FRMD8: variants seen among roughly 807,000 people sequenced by gnomAD.
The protein encoded by FRMD8 is FERM domain containing 8, also known as FERM domain-containing protein 8.
Under a neutral mutation model 54.2 loss-of-function variants are expected in FRMD8, and 37 were observed. The ratio of observed to expected loss-of-function variants is 0.68; its 90% confidence interval spans 0.53 to 0.90. The LOEUF (loss-of-function observed/expected upper bound fraction) is 0.90. FRMD8 is among the 40% of genes least tolerant of loss of function. The pLI, the probability that FRMD8 is intolerant of heterozygous loss-of-function variation, is 0.00. For synonymous variants in FRMD8, 246 were observed against 286.9 expected (o/e 0.86, Z 1.44); for missense variants, 585 against 653.7 (o/e 0.89, Z 1.15).
chr11:65,411,412 G>A lies in FRMD8; in HGVS notation c.*52G>A. The A allele has an allele frequency of 8.0e-7, 1 of 1,257,416 alleles. No individual in the cohort carries two copies. The highest frequency in any genetic ancestry group is 1.4e-5 in the South Asian group (1 of 69,142). The allele number at this position is 1,257,416 out of a possible 1,614,324, so 77.9% of individuals were successfully genotyped here. On this transcript the variant is annotated 3_prime_UTR_variant, in exon 11 of 11. Coordinates refer to ENST00000317568, the MANE Select transcript of FRMD8 (RefSeq NM_031904.5). ...CGACTGGGGGCCCTGGCCCGGCACTGTCCTCCTGAGGGGCAGGCGCCGGCT... is the reference window on the plus strand; with the variant it reads ...CGACTGGGGGCCCTGGCCCGGCACTATCCTCCTGAGGGGCAGGCGCCGGCT...
chr11:65,407,632 T>C (rs1226294561), intron 10 of FRMD8, among the ~76,000 whole-genome samples: 1 of 151,662 alleles, frequency 6.6e-6, no homozygotes, highest in African/African-American at 2.4e-5. Context: ...GGCTCACGCC[T>C]GTAATCCCAG....
At chr11:65,372,202 A>G in the FRMD8 span, among the ~76,000 whole-genome samples, 1 of 152,288 alleles carries the variant, frequency 6.6e-6, no homozygotes, top group East Asian at 1.9e-4. Flanking sequence ...GAGAGCCACC[A>G]TGCCTAGCCA....
chr11:65,404,823 G>A lies in FRMD8; in HGVS notation c.1072-41G>A. The A allele has an allele frequency of 6.5e-7, 1 of 1,544,924 alleles. No individual in the cohort carries two copies. Among genetic ancestry groups the A allele is most frequent in the Non-Finnish European group, 8.9e-7 (1 of 1,123,400 alleles). ...TTCAGGCTCAGCAACAGGCATGGAA[G>A]GGGGCCCTGGCCAGGCCTCACACTG... On this transcript the variant is annotated intron_variant, in intron 9 of 10. Coordinates refer to ENST00000317568, the MANE Select transcript of FRMD8 (RefSeq NM_031904.5). This position sits in a 1 kb window ranked among gnomAD's most constrained non-coding sequence, Gnocchi z 4.7.
Position 65,399,751 on chromosome 11 carries a change from C to T in FRMD8, c.819C>T (p.His273=), listed in dbSNP as rs1158079940. The part of the protein sequence containing the change: ...ELPFYGCAFF[H]GEVDKPAQGF... ...CCCTCCCCAGGTGTGCCTTCTTCCACGGTGAGGTTGACAAGCCGGCCCAAG... is the reference window on the plus strand; with the variant it reads ...CCCTCCCCAGGTGTGCCTTCTTCCATGGTGAGGTTGACAAGCCGGCCCAAG... Residue 273 remains histidine, a synonymous_variant, in exon 8 of 11, where the codon CAC becomes CAT. Coordinates refer to ENST00000317568, the MANE Select transcript of FRMD8 (RefSeq NM_031904.5). 7 of 1,613,820 alleles carry T rather than the reference C, an allele frequency of 4.3e-6. No homozygotes were observed. The highest frequency in any genetic ancestry group is 3.3e-5 in the South Asian group (3 of 91,048).
At chr11:65,369,773 C>T in the FRMD8 span, among the ~76,000 whole-genome samples, 1 of 151,292 alleles carries the variant, frequency 6.6e-6, no homozygotes, top group Non-Finnish European at 1.5e-5. Flanking sequence ...TGGCTCATGC[C>T]TGTAATCCCA....
rs764333264 is a variant in FRMD8, at chr11:65,400,445, C to G, written c.928-279C>G. Reference sequence around the variant, plus strand: ...ACGCCCGACCTCATAGAAGAGACTCCGCTTCCCCACCTGCCTCCTCCCCCA... The same window carrying G: ...ACGCCCGACCTCATAGAAGAGACTCGGCTTCCCCACCTGCCTCCTCCCCCA... On this transcript the variant is annotated intron_variant, in intron 8 of 10. Coordinates refer to ENST00000317568, the MANE Select transcript of FRMD8 (RefSeq NM_031904.5). This position sits in a 1 kb window ranked among gnomAD's most constrained non-coding sequence, Gnocchi z 4.3. Among the ~76,000 whole-genome samples the G allele has an allele frequency of 2.6e-5, 4 of 152,198 alleles. No individual in the cohort carries two copies. Among genetic ancestry groups the G allele is most frequent in the African/African-American group, 9.7e-5 (4 of 41,438 alleles).
chr11:65,389,171 A>G (rs1310216016), intron 2 of FRMD8, among the ~76,000 whole-genome samples, 190 bp from the exon 3 acceptor site: 2 of 152,082 alleles, frequency 1.3e-5, no homozygotes, highest in Non-Finnish European at 1.5e-5. Context: ...AGCATTCGTG[A>G]TAGGGTCTTT....
chr11:65,376,788 T>C, the FRMD8 span: 1 of 1,614,118 alleles, frequency 6.2e-7, no homozygotes, highest in African/African-American at 1.3e-5. Context: ...CACACCTCTG[T>C]CCCCCATCCT....
At chr11:65,397,130 T>C in intron 7 of FRMD8, 110 bp downstream of exon 7, 2 of 594,538 alleles carry the variant, frequency 3.4e-6, no homozygotes, top group Non-Finnish European at 2.7e-6. Flanking sequence ...TGTGTCCCCA[T>C]GAAGTGGTGT....
chr11:65,382,510 T>C (rs371392535), upstream of FRMD8: 16 of 159,202 alleles, frequency 1.0e-4, no homozygotes, highest in South Asian at 2.5e-3. The surrounding 1 kb of genome is among the most constrained non-coding windows in gnomAD (Gnocchi z 4.4). Flanking sequence ...CTCTTCAGGG[T>C]TGTTTACGAC....
At chr11:65,407,920 C>T (rs1457728820) in intron 10 of FRMD8, among the ~76,000 whole-genome samples, 3 of 150,482 alleles carry the variant, frequency 2.0e-5, no homozygotes, top group Non-Finnish European at 4.4e-5. Flanking sequence ...AACAGGACAG[C>T]ATGTGTGCAG....
chr11:65,392,912 A>T (rs1284147835), intron 3 of FRMD8, among the ~76,000 whole-genome samples: 2 of 152,182 alleles, frequency 1.3e-5, no homozygotes, highest in African/African-American at 4.8e-5. Context: ...GTCCAGGAAA[A>T]GAAGAACATC....
chr11:65,389,453 G>A lies in FRMD8; in HGVS notation c.178G>A (p.Ala60Thr), dbSNP rs746885699. The stretch of plus-strand genomic sequence containing the variant: ...GCTCAGTGCCCATGAGCTGCACCGC[G>A]CTGTCCGCGAGGTCCTGCAGCTTCC... ...PSLSAHELHR[A>T]VREVLQLPDI... is the part of the protein sequence containing the mutation. The change falls in exon 3 of 11, where the codon GCT becomes ACT. Residue 60 changes from alanine (A) to threonine (T), a missense_variant. Coordinates refer to ENST00000317568, the MANE Select transcript of FRMD8 (RefSeq NM_031904.5). 1.8e-5 allele frequency: 29 copies of A among 1,609,440 alleles called. No individual in the cohort carries two copies. The highest frequency in any genetic ancestry group is 4.4e-5 in the South Asian group (4 of 91,092).
the FRMD8 span, among the ~76,000 whole-genome samples, chr11:65,372,885 G>A: frequency 6.6e-6 from 1 of 152,188 alleles, no homozygotes; most frequent in Non-Finnish European, 1.5e-5. Flanking sequence ...TACCATCGCT[G>A]CAATGTCCAG....
At chr11:65,393,771 C>T (rs1211715230) in intron 4 of FRMD8, 97 bp downstream of exon 4, 37 of 1,069,458 alleles carry the variant, frequency 3.5e-5, no homozygotes, top group Non-Finnish European at 4.3e-5. Flanking sequence ...AGGAGCTGCC[C>T]TGGCTGAGGG....
intron 3 of FRMD8, among the ~76,000 whole-genome samples, chr11:65,391,911 T>C (rs666194): frequency 0.47 from 71,663 of 152,116 alleles, 20,793 homozygotes; most frequent in Non-Finnish European, 0.65. Context: ...TCAGGCACTG[T>C]GCCTTCCCCA....
At chr11:65,397,642 G>A (rs2137897363) in intron 7 of FRMD8, among the ~76,000 whole-genome samples, 1 of 152,360 alleles carries the variant, frequency 6.6e-6, no homozygotes, top group Admixed American at 6.5e-5. Context: ...TAAGCCCCTG[G>A]CAGATGGCGT....
In FRMD8 at chr11:65,387,130, C is replaced by T; in HGVS notation, c.85+9C>T. 1.2e-6 allele frequency: 2 copies of T among 1,602,852 alleles called. No individual in the cohort carries two copies. The highest frequency in any genetic ancestry group is 1.7e-6 in the Non-Finnish European group (2 of 1,178,826). On this transcript the variant is annotated intron_variant, in intron 2 of 10. Transcript: ENST00000317568. ...CTCCGTGGGAGCCCGAGGTGGGTCC[C>T]ACCCGCATCTCCTCTTCCACACCCT...
chr11:65,380,550 C>T, the FRMD8 span: 1 of 1,339,570 alleles, frequency 7.5e-7, no homozygotes, highest in African/African-American at 1.5e-5. Context: ...GAGAGCTTTA[C>T]TCTTCTTTCT....
Sources: gnomAD v4.1 joint callset for allele counts (sites outside exome capture counted in the v4.1 genomes callset) on GRCh38, gnomAD v4.1.1 for gene constraint, Gnocchi (gnomAD v3.1) non-coding constraint, MANE v1.5 for transcripts, NCBI Gene and HGNC (gene_info 2026-07-23, HGNC 2026-07-21) for gene names.